SYT9: variants seen among roughly 807,000 people sequenced by gnomAD.
The protein encoded by SYT9 is synaptotagmin 9, also known as synaptotagmin-9.
Under a neutral mutation model 48.4 loss-of-function variants are expected in SYT9, and 22 were observed. That is an observed-to-expected ratio of 0.45 (90% CI 0.32 to 0.65). The LOEUF (loss-of-function observed/expected upper bound fraction) is 0.65, where lower values mean the gene tolerates loss of function less well. SYT9 is among the 30% of genes least tolerant of loss of function. The pLI, the probability that SYT9 is intolerant of heterozygous loss-of-function variation, is 0.03. For missense variants in SYT9, 577 were observed against 622.0 expected, an observed-to-expected ratio of 0.93 and a Z score of 0.77; for synonymous variants, 265 against 245.0, an observed-to-expected ratio of 1.08 and a Z score of -0.76.
At chr11:7,302,282 C>T (rs1439179061) in intron 1 of SYT9, among the ~76,000 whole-genome samples, 1 of 152,166 alleles carries the variant, frequency 6.6e-6, no homozygotes, top group East Asian at 1.9e-4. Flanking sequence ...CAGGTTTAAC[C>T]TTTACTCCCT....
At position 7,252,310 on chromosome 11, in the gene SYT9, A is replaced by G. The variant is rs758043224; in HGVS notation, c.124A>G (p.Arg42Gly). The change falls in exon 1 of 7, where the codon AGA becomes GGA. Residue 42 changes from arginine (R) to glycine (G), a missense_variant. Arg to Gly is a moderately radical substitution (Grantham distance 125). Coordinates refer to ENST00000318881, the MANE Select transcript of SYT9 (RefSeq NM_175733.4). This position sits in a 1 kb window ranked among gnomAD's most constrained non-coding sequence, Gnocchi z 6.3. ...CATTTACCACCTGCGGGACCGTGCCAGACCCCGGCTCCGCGACCCAGGTGA... is the reference window on the plus strand; with the variant it reads ...CATTTACCACCTGCGGGACCGTGCCGGACCCCGGCTCCGCGACCCAGGTGA... The part of the protein sequence containing the change: ...DFIYHLRDRA[R>G]PRLRDPDISV... The G allele has an allele frequency of 1.0e-5, 15 of 1,502,058 alleles. No homozygotes were observed. Among genetic ancestry groups the G allele is most frequent in the South Asian group, 1.3e-5 (1 of 77,996 alleles). The allele number at this position is 1,502,058 out of a possible 1,614,324, so 93.0% of individuals were successfully genotyped here.
At chr11:7,289,036 A>G (rs1277051950) in intron 1 of SYT9, among the ~76,000 whole-genome samples, 1 of 152,194 alleles carries the variant, frequency 6.6e-6, no homozygotes, top group African/African-American at 2.4e-5. Context: ...CATCCTCAGG[A>G]GAGCAAATTT....
At chr11:7,342,604 G>T (rs999003494) in intron 3 of SYT9, among the ~76,000 whole-genome samples, 6 of 152,212 alleles carry the variant, frequency 3.9e-5, no homozygotes, top group Admixed American at 1.3e-4. Context: ...CCTCCCGGCT[G>T]CTTTCGTGGG....
In SYT9 at chr11:7,367,072, C is replaced by CTTT. The variant is rs35502843; in HGVS notation, c.1045-48946_1045-48944dup. Among the ~76,000 whole-genome samples, 33 of 53,260 alleles carry CTTT rather than the reference C, an allele frequency of 6.2e-4. 5 individuals carry two copies. Among genetic ancestry groups the CTTT allele is most frequent in the Non-Finnish European group, 7.2e-4 (20 of 27,678 alleles). 34.9% of individuals were successfully genotyped at this position (53,260 alleles called of 152,430 possible). A position where few individuals can be genotyped will look rare whatever the true frequency, so the allele number is the denominator to read the frequency against. The stretch of plus-strand genomic sequence containing the variant: ...ATTACCCTTCTTTCCAGGAGACCAT[C>CTTT]TTTTTTTTTTTTTTTTTTTTTTTTT... On this transcript the variant is annotated intron_variant, in intron 3 of 6. Transcript: ENST00000318881.
At chr11:7,364,692 T>TAC (rs1850208851) in intron 3 of SYT9, among the ~76,000 whole-genome samples, 1 of 152,250 alleles carries the variant, frequency 6.6e-6, no homozygotes, top group African/African-American at 2.4e-5. Flanking sequence ...TTGGCCTTAT[T>TAC]ACAGTTCATG....
At chr11:7,320,042 G>C (rs372288707) in intron 3 of SYT9, among the ~76,000 whole-genome samples, 3 of 151,988 alleles carry the variant, frequency 2.0e-5, no homozygotes, top group African/African-American at 7.3e-5. Flanking sequence ...TTTTTAAAAA[G>C]CCATTTTGCT....
At chr11:7,434,670 C>A (rs1465957561) in intron 6 of SYT9, among the ~76,000 whole-genome samples, 1 of 152,142 alleles carries the variant, frequency 6.6e-6, no homozygotes, top group Non-Finnish European at 1.5e-5. Flanking sequence ...ACCTCTCTAC[C>A]TTGGGCCTGC....
At chr11:7,363,438 C>G (rs1850183580) in intron 3 of SYT9, among the ~76,000 whole-genome samples, 1 of 152,110 alleles carries the variant, frequency 6.6e-6, no homozygotes, top group Admixed American at 6.5e-5. Context: ...AGTGGAACAT[C>G]ATGAATTCAG....
chr11:7,270,988 A>G (rs10431020), intron 1 of SYT9, among the ~76,000 whole-genome samples: 90,316 of 151,480 alleles, frequency 0.6, 27,873 homozygotes, highest in East Asian at 0.73. Flanking sequence ...GCCTCTAAGA[A>G]CTGTGCTTCT....
chr11:7,381,900 C>T (rs1460763002), intron 3 of SYT9, among the ~76,000 whole-genome samples: 1 of 152,164 alleles, frequency 6.6e-6, no homozygotes, highest in Non-Finnish European at 1.5e-5. Context: ...AGGAGCCTTC[C>T]AGCCACTGGT....
intron 1 of SYT9, among the ~76,000 whole-genome samples, chr11:7,259,569 T>A (rs189455059): frequency 6.6e-6 from 1 of 152,306 alleles, no homozygotes; most frequent in East Asian, 1.9e-4. Flanking sequence ...AACAAAAGGT[T>A]GCTAATTTAA....
At chr11:7,416,208 G>C in intron 4 of SYT9, 46 bp downstream of exon 4, 1 of 1,610,116 alleles carries the variant, frequency 6.2e-7, no homozygotes, top group Non-Finnish European at 8.5e-7. Flanking sequence ...TTCTACTGTA[G>C]TAAGTACCTT....
intron 3 of SYT9, among the ~76,000 whole-genome samples, chr11:7,381,590 G>T (rs1850566198): frequency 6.6e-6 from 1 of 152,136 alleles, no homozygotes; most frequent in Non-Finnish European, 1.5e-5. Context: ...GTGAGATATT[G>T]TTGGCTAAGT....
rs11041276 is a variant in SYT9, at chr11:7,243,071, T to A, written c.49+4155T>A. ...CAATAAATAAATAAATAAATAAATA[T>A]AAAGTATTACCAATATGAACAGGAT... On this transcript the variant is annotated intron_variant and NMD_transcript_variant, in intron 1 of 8. Coordinates refer to the SYT9 transcript ENST00000524820. 2.0e-3 allele frequency among the ~76,000 whole-genome samples: 306 copies of A among 151,094 alleles called. 2 individuals are homozygous for A. Among genetic ancestry groups the A allele is most frequent in the African/African-American group, 6.8e-3 (279 of 40,880 alleles).
chr11:7,249,993 C>G (rs10500687), upstream of SYT9, among the ~76,000 whole-genome samples: 19,735 of 152,186 alleles, frequency 0.13, 1,639 homozygotes, highest in African/African-American at 0.23. Context: ...CTCCTGTTCT[C>G]ATTGCTACCT....
chr11:7,414,044 G>A (rs575807351), intron 3 of SYT9, among the ~76,000 whole-genome samples: 7 of 152,100 alleles, frequency 4.6e-5, no homozygotes, highest in South Asian at 2.1e-4. Context: ...GGCTTATGTC[G>A]GAGGAAAACA....
intron 3 of SYT9, among the ~76,000 whole-genome samples, chr11:7,364,083 C>G (rs1850197375): frequency 6.6e-6 from 1 of 152,056 alleles, no homozygotes; most frequent in African/African-American, 2.4e-5. Context: ...AAAGAAAAGA[C>G]TGAAGAATGA....
Position 7,371,108 on chromosome 11 carries a change from C to A in SYT9, c.1045-44934C>A, listed in dbSNP as rs373137896. On this transcript the variant is annotated intron_variant, in intron 3 of 6. Transcript: ENST00000318881. Reference sequence around the variant, plus strand: ...CAGTAGGCTGATATTATCATTAAAGCCGCTTAATAATACACTTTACTATCC... The same window carrying A: ...CAGTAGGCTGATATTATCATTAAAGACGCTTAATAATACACTTTACTATCC... 1.7e-4 allele frequency among the ~76,000 whole-genome samples: 26 copies of A among 152,204 alleles called. 1 individual carries two copies. The highest frequency in any genetic ancestry group is 5.5e-4 in the African/African-American group (23 of 41,554).
intron 3 of SYT9, among the ~76,000 whole-genome samples, chr11:7,324,715 T>C (rs1849397294): frequency 6.6e-6 from 1 of 152,046 alleles, no homozygotes; most frequent in African/African-American, 2.4e-5. Context: ...GCATTATTTC[T>C]GTAACTTAAT....
Sources: allele counts gnomAD v4.1 joint callset (sites outside exome capture counted in the v4.1 genomes callset), GRCh38; gene constraint gnomAD v4.1.1; non-coding constraint Gnocchi (gnomAD v3.1); transcripts MANE v1.5; gene names NCBI Gene and HGNC (gene_info 2026-07-23, HGNC 2026-07-21).